FCHO2: variants seen among roughly 807,000 people sequenced by gnomAD.
The protein encoded by FCHO2 is F-BAR domain only protein 2.
In FCHO2, 43 loss-of-function variants were observed where a neutral mutation model predicts 114.1. The observed-to-expected ratio is 0.38, with a 90% CI of 0.30 to 0.49. The LOEUF is 0.49. Among genes scored for constraint, FCHO2 ranks in the 20% least tolerant of loss-of-function variants. The probability of loss-of-function intolerance (pLI) is 0.97; values close to 1 mark genes in which losing one functional copy is unlikely to be tolerated. For missense variants in FCHO2, 807 were observed against 950.4 expected (o/e 0.85, Z 1.98); for synonymous variants, 293 against 315.2 (o/e 0.93, Z 0.75).
chr5:73,007,249 G>A (rs1246784557), intron 6 of FCHO2, among the ~76,000 whole-genome samples: 7 of 152,114 alleles, frequency 4.6e-5, no homozygotes, highest in Non-Finnish European at 4.4e-5. Context: ...CTCATGCTGC[G>A]TGTTCATTAT....
In FCHO2 at chr5:72,987,618, G is replaced by A. The variant is rs186865087; in HGVS notation, c.126-1809G>A. On this transcript the variant is annotated intron_variant, in intron 2 of 25. Transcript: ENST00000430046. ...CTCCCAAAGTACTGGGATTACAGGC[G>A]TGAGCCACCGTGCCTGGCTGATTAG... 1.3e-3 allele frequency among the ~76,000 whole-genome samples: 195 copies of A among 152,226 alleles called. 1 individual carries two copies. In the Middle Eastern group the frequency reaches 0.034, roughly 27 times the overall value.
chr5:73,047,466 G>T (rs752558158), intron 11 of FCHO2, among the ~76,000 whole-genome samples: 3 of 150,892 alleles, frequency 2.0e-5, no homozygotes, highest in Non-Finnish European at 2.9e-5. Context: ...TTACTTAAAA[G>T]TTATAATACT....
intron 5 of FCHO2, among the ~76,000 whole-genome samples, chr5:72,992,118 A>C (rs572189357): frequency 1.3e-5 from 2 of 152,334 alleles, no homozygotes; most frequent in East Asian, 3.9e-4. Context: ...CATGGGCAAA[A>C]AACTAGAAGA....
chr5:72,980,927 C>T (rs960015732), intron 2 of FCHO2, among the ~76,000 whole-genome samples: 7 of 152,090 alleles, frequency 4.6e-5, no homozygotes, highest in African/African-American at 1.7e-4. Context: ...TTAATTGGGG[C>T]ATTTAGCCTG....
chr5:73,041,374 C>A (rs1332607491), intron 11 of FCHO2, 59 bp downstream of exon 11: 3 of 1,062,676 alleles, frequency 2.8e-6, no homozygotes, highest in East Asian at 5.2e-5. Flanking sequence ...TTAGGACAAA[C>A]CTAACACATT....
At chr5:72,971,665 A>G (rs1221515857) in intron 2 of FCHO2, among the ~76,000 whole-genome samples, 2 of 152,022 alleles carry the variant, frequency 1.3e-5, no homozygotes, top group African/African-American at 2.4e-5. Context: ...TGTTCACTCT[A>G]ATGGTAGTTT....
At chr5:72,998,748 CATAA>C (rs1267373187) in intron 5 of FCHO2, among the ~76,000 whole-genome samples, 1 of 150,544 alleles carries the variant, frequency 6.6e-6, no homozygotes, top group East Asian at 1.9e-4. Flanking sequence ...AGCGATTACA[CATAA>C]ATAAATGATT....
At chr5:73,072,257 A>G (rs915994724) in intron 19 of FCHO2, among the ~76,000 whole-genome samples, 5 of 152,034 alleles carry the variant, frequency 3.3e-5, no homozygotes, top group Non-Finnish European at 5.9e-5. Context: ...TACAATAACA[A>G]ATGTTGGTGA....
At chr5:73,068,044 T>C (rs958946150) in intron 18 of FCHO2, among the ~76,000 whole-genome samples, 2 of 151,936 alleles carry the variant, frequency 1.3e-5, no homozygotes, top group Non-Finnish European at 2.9e-5. Context: ...CTGAGGAAAA[T>C]GTGAACAGAT....
intron 5 of FCHO2, among the ~76,000 whole-genome samples, chr5:72,998,411 T>C (rs971192099): frequency 4.0e-5 from 6 of 151,418 alleles, no homozygotes; most frequent in East Asian, 1.9e-4. Flanking sequence ...GGCGTGAACC[T>C]GGGAGGCAGA....
chr5:73,042,862 C>T (rs1191676563), intron 11 of FCHO2, among the ~76,000 whole-genome samples: 2 of 152,150 alleles, frequency 1.3e-5, no homozygotes, highest in East Asian at 1.9e-4. Context: ...TGGTGTTCTT[C>T]TGGTGGAAAT....
intron 6 of FCHO2, among the ~76,000 whole-genome samples, chr5:73,007,792 T>C (rs1043709420): frequency 2.0e-5 from 3 of 152,120 alleles, no homozygotes; most frequent in Admixed American, 2.0e-4. Flanking sequence ...AAATATAAAG[T>C]TATAAATTAT....
At position 72,991,657 on chromosome 5, in the gene FCHO2, G is replaced by T. The variant is rs185310799; in HGVS notation, c.495+793G>T. Among the ~76,000 whole-genome samples, 401 of 152,034 alleles carry T rather than the reference G, an allele frequency of 2.6e-3. 2 individuals carry two copies. Among genetic ancestry groups the T allele is most frequent in the Middle Eastern group, 6.8e-3 (2 of 294 alleles). On this transcript the variant is annotated intron_variant, in intron 5 of 25. Transcript: ENST00000430046. ...GCTTTTTTTTTCTCCTTTCAAAACA[G>T]TTTAACCATTTACTTATTTGATGTG...
At chr5:73,087,459 AGTTT>A (rs1380042620) in intron 24 of FCHO2, 126 bp from the exon 25 acceptor site, 45 of 984,866 alleles carry the variant, frequency 4.6e-5, no homozygotes, top group Non-Finnish European at 4.3e-5. Flanking sequence ...ACAGGATAAT[AGTTT>A]GTTTACTGTG....
intron 22 of FCHO2, among the ~76,000 whole-genome samples, chr5:73,079,916 T>C (rs1302264106): frequency 1.3e-5 from 2 of 152,226 alleles, no homozygotes; most frequent in Non-Finnish European, 2.9e-5. Flanking sequence ...TGTGTATATA[T>C]GTAATACATA....
At chr5:72,957,231 C>T (rs1751601311) in intron 1 of FCHO2, among the ~76,000 whole-genome samples, 1 of 146,198 alleles carries the variant, frequency 6.8e-6, no homozygotes, top group African/African-American at 2.5e-5. Flanking sequence ...ATTGAGTTCA[C>T]ATTTCCGTAC....
intron 6 of FCHO2, among the ~76,000 whole-genome samples, chr5:73,014,122 G>A (rs1457175724): frequency 2.6e-5 from 4 of 152,128 alleles, no homozygotes; most frequent in Non-Finnish European, 4.4e-5. Context: ...CAGTACTGGA[G>A]GATCTATTTG....
chr5:73,066,835 A>G (rs971278770), intron 18 of FCHO2, among the ~76,000 whole-genome samples: 3 of 151,982 alleles, frequency 2.0e-5, no homozygotes, highest in Admixed American at 2.0e-4. Context: ...GCAACTGTGT[A>G]TTATTAACAA....
chr5:73,041,285 T>C lies in FCHO2; in HGVS notation c.915-6T>C. On this transcript the variant is annotated splice_polypyrimidine_tract_variant and splice_region_variant and intron_variant, in intron 10 of 25. Coordinates refer to ENST00000430046, the MANE Select transcript of FCHO2 (RefSeq NM_138782.3). ...ATTGAGTATTTCTGATATTTTGTTT[T>C]AATAGGGAATGTCCTGATGCAGATT... 1 of 1,475,628 alleles carries C rather than the reference T, an allele frequency of 6.8e-7. No individual in the cohort carries two copies. The highest frequency in any genetic ancestry group is 9.4e-7 in the Non-Finnish European group (1 of 1,060,990). The allele number at this position is 1,475,628 out of a possible 1,614,324, so 91.4% of individuals were successfully genotyped here. A position where few individuals can be genotyped will look rare whatever the true frequency, so the allele number is the denominator to read the frequency against.
Sources: allele counts gnomAD v4.1 joint callset (sites outside exome capture counted in the v4.1 genomes callset), GRCh38; gene constraint gnomAD v4.1.1; transcripts MANE v1.5; gene names NCBI Gene and HGNC (gene_info 2026-07-23, HGNC 2026-07-21).